ITGA9: variants seen among roughly 807,000 people sequenced by gnomAD.
ITGA9 encodes integrin alpha-9.
Under a neutral mutation model 127.8 loss-of-function variants are expected in ITGA9, and 56 were observed. The observed-to-expected ratio is 0.44, with a 90% CI of 0.35 to 0.55. The LOEUF (loss-of-function observed/expected upper bound fraction) is 0.55. ITGA9 is among the 20% of genes least tolerant of loss of function. The probability of loss-of-function intolerance (pLI) is 0.00; values close to 1 mark genes in which losing one functional copy is unlikely to be tolerated. For synonymous variants in ITGA9, 508 were observed against 514.5 expected (o/e 0.99, Z 0.17); for missense variants, 1,196 against 1,347.1 (o/e 0.89, Z 1.76).
In ITGA9 at chr3:37,799,968, A is replaced by T. The variant is rs1294311121; in HGVS notation, c.2890-3855A>T. ...ATATGACTTCCTAGAGCTACAGGAC[A>T]CTCAGCTCATCACTCACAGATGAGT... On this transcript the variant is annotated intron_variant, in intron 26 of 27. Coordinates refer to ENST00000264741, the MANE Select transcript of ITGA9 (RefSeq NM_002207.3). The surrounding 1 kb of genome is among the most constrained non-coding windows in gnomAD (Gnocchi z 4.0). Among the ~76,000 whole-genome samples the T allele has an allele frequency of 6.6e-6, 1 of 152,112 alleles. No homozygotes were observed. The highest frequency in any genetic ancestry group is 1.5e-5 in the Non-Finnish European group (1 of 68,014).
At chr3:37,674,768 A>G (rs1194044410) in intron 17 of ITGA9, among the ~76,000 whole-genome samples, 2 of 152,190 alleles carry the variant, frequency 1.3e-5, no homozygotes, top group Admixed American at 1.3e-4. Flanking sequence ...CCACACCCAC[A>G]TTTGGCTGGA....
In ITGA9 at chr3:37,612,423, T is replaced by G. The variant is rs556956787; in HGVS notation, c.1690-16764T>G. On this transcript the variant is annotated intron_variant, in intron 15 of 27. Transcript: ENST00000264741. ...GATCTACAGACATTTTGAGTACTGT[T>G]AAGCATAAACAATATTTCAAGGTGT... 1.1e-4 allele frequency among the ~76,000 whole-genome samples: 16 copies of G among 152,358 alleles called. No individual in the cohort carries two copies. The East Asian group carries it at 2.9e-3, about 28-fold the overall frequency.
intron 23 of ITGA9, 21 bp from the exon 24 acceptor site, chr3:37,777,371 C>G (rs374760613): frequency 1.5e-5 from 24 of 1,613,834 alleles, no homozygotes; most frequent in Non-Finnish European, 2.0e-5. Context: ...ACTCCTCTGA[C>G]AGGCCTCTTT....
intron 18 of ITGA9, among the ~76,000 whole-genome samples, chr3:37,699,690 T>G (rs1425433696): frequency 6.6e-6 from 1 of 152,236 alleles, no homozygotes; most frequent in Non-Finnish European, 1.5e-5. Flanking sequence ...ATAATACCTC[T>G]AAGGCCCTAG....
chr3:37,619,962 C>T (rs935153414), intron 15 of ITGA9, among the ~76,000 whole-genome samples: 1 of 152,232 alleles, frequency 6.6e-6, no homozygotes, highest in Non-Finnish European at 1.5e-5. Context: ...CACTCTGGGT[C>T]AGAAGCTATT....
intron 6 of ITGA9, among the ~76,000 whole-genome samples, chr3:37,504,355 A>G (rs1286987384): frequency 1.3e-5 from 2 of 152,240 alleles, no homozygotes; most frequent in Non-Finnish European, 2.9e-5. Flanking sequence ...GAAATTATAC[A>G]TCTTGCCAAG....
intron 14 of ITGA9, among the ~76,000 whole-genome samples, chr3:37,535,202 G>A (rs920486340): frequency 2.0e-5 from 3 of 152,222 alleles, no homozygotes; most frequent in Admixed American, 2.0e-4. Flanking sequence ...CTTCTAAAGG[G>A]AGTTACAAAG....
chr3:37,530,543 A>G (rs999380892), intron 13 of ITGA9, among the ~76,000 whole-genome samples: 12 of 152,114 alleles, frequency 7.9e-5, no homozygotes, highest in African/African-American at 2.7e-4. Context: ...TAACCTAACA[A>G]TGGCACCAGT....
Position 37,523,503 on chromosome 3 carries a change from C to T in ITGA9, c.1237-18C>T, listed in dbSNP as rs1476447449. 1 of 1,597,346 alleles carries T rather than the reference C, an allele frequency of 6.3e-7. No homozygotes were observed. ...GTGGTCTTTTCCTGTGACTCCATTT[C>T]CCTATTATCTGTTTCAGAAACTGTC... On this transcript the variant is annotated intron_variant, in intron 11 of 27. Transcript: ENST00000264741.
At chr3:37,506,997 G>A (rs1472830272) in intron 7 of ITGA9, among the ~76,000 whole-genome samples, 7 of 152,154 alleles carry the variant, frequency 4.6e-5, no homozygotes, top group Admixed American at 2.6e-4. Context: ...GGGAGCTGAC[G>A]AACTTTCCAG....
intron 13 of ITGA9, among the ~76,000 whole-genome samples, chr3:37,531,383 G>A (rs1699150486): frequency 6.6e-6 from 1 of 152,218 alleles, no homozygotes. Context: ...AGGTTGAAGG[G>A]AACTGATCCG....
intron 18 of ITGA9, among the ~76,000 whole-genome samples, chr3:37,719,105 A>C (rs1028469776): frequency 6.6e-6 from 1 of 152,230 alleles, no homozygotes; most frequent in African/African-American, 2.4e-5. Flanking sequence ...TTTGCAGAAC[A>C]TATCAGGGGA....
chr3:37,542,459 A>G lies in ITGA9; in HGVS notation c.1563A>G (p.Lys521=). The G allele has an allele frequency of 5.0e-6, 8 of 1,613,994 alleles. No homozygotes were observed. The highest frequency in any genetic ancestry group is 6.8e-6 in the Non-Finnish European group (8 of 1,180,024). Residue 521 remains lysine, a synonymous_variant, in exon 15 of 28, where the codon AAA becomes AAG. Transcript: ENST00000264741. ...LNYVLMADVA[K]KEKGQMPRVY... ...ATGTTCTGATGGCTGACGTGGCCAA[A>G]AAGGAGAAGGGCCAGATGCCCAGGG...
chr3:37,573,619 T>A (rs1699623641), intron 15 of ITGA9, among the ~76,000 whole-genome samples: 1 of 152,164 alleles, frequency 6.6e-6, no homozygotes, highest in African/African-American at 2.4e-5. Flanking sequence ...CTGGGCTGAC[T>A]TGGGTTTCCT....
chr3:37,719,770 A>G (rs1435252239), intron 18 of ITGA9, among the ~76,000 whole-genome samples: 1 of 151,844 alleles, frequency 6.6e-6, no homozygotes, highest in East Asian at 1.9e-4. Context: ...ACACTTCACT[A>G]CCCTCTCCTG....
chr3:37,507,497 GACCCCTCCGCAA>G, intron 7 of ITGA9, among the ~76,000 whole-genome samples: 1 of 152,262 alleles, frequency 6.6e-6, no homozygotes, highest in East Asian at 1.9e-4. Context: ...GTCTTAAGAT[GACCCCTCCGCAA>G]ACCCCTCTCA....
chr3:37,682,167 G>A (rs1354896880), intron 17 of ITGA9, among the ~76,000 whole-genome samples: 2 of 152,154 alleles, frequency 1.3e-5, no homozygotes, highest in East Asian at 1.9e-4. Flanking sequence ...CAATTTCTCT[G>A]TTCTCCTTTA....
At chr3:37,517,328 G>T (rs155522) in intron 9 of ITGA9, among the ~76,000 whole-genome samples, 176 bp from the exon 10 acceptor site, 93,678 of 152,070 alleles carry the variant, frequency 0.62, 29,157 homozygotes, top group East Asian at 0.86. Context: ...TAAAAGGGAC[G>T]CATTTTGCCA....
intron 18 of ITGA9, among the ~76,000 whole-genome samples, chr3:37,708,691 T>TCCAACAATGCACAGGACAGCTCC: frequency 6.6e-6 from 1 of 152,306 alleles, no homozygotes; most frequent in Non-Finnish European, 1.5e-5. Flanking sequence ...CAAAGAATTA[T>TCCAACAATGCACAGGACAGCTCC]CCAGCCCCAA....
Sources: allele counts gnomAD v4.1 joint callset (sites outside exome capture counted in the v4.1 genomes callset), GRCh38; gene constraint gnomAD v4.1.1; non-coding constraint Gnocchi (gnomAD v3.1); transcripts MANE v1.5; gene names NCBI Gene and HGNC (gene_info 2026-07-23, HGNC 2026-07-21).